Variants in CDH19 observed in about 807,000 individuals in gnomAD.
CDH19 encodes cadherin 19.
CDH19 carries 67 observed loss-of-function variants against 64.2 expected under a neutral mutation model. The observed-to-expected ratio is 1.04, with a 90% CI of 0.86 to 1.28. CDH19 has a LOEUF of 1.28. Ranked by LOEUF, CDH19 falls within the 50% of genes most tolerant of loss-of-function variation. The pLI is 0.00. For missense variants in CDH19, 1,030 were observed against 929.0 expected, an observed-to-expected ratio of 1.11 and a Z score of -1.41; for synonymous variants, 346 against 319.3, an observed-to-expected ratio of 1.08 and a Z score of -0.89.
Position 66,555,786 on chromosome 18 carries a change from G to T in CDH19, c.491-1262C>A, listed in dbSNP as rs549823041. Among the ~76,000 whole-genome samples the T allele has an allele frequency of 3.3e-5, 5 of 151,728 alleles. No individual in the cohort carries two copies. The South Asian group carries it at 1.0e-3, about 31-fold the overall frequency. ...CATCACTTTCATTGATCCATATTGCGCAAGACTTGTTCCTTTAACTATCCT... is the reference window on the plus strand; with the variant it reads ...CATCACTTTCATTGATCCATATTGCTCAAGACTTGTTCCTTTAACTATCCT... On this transcript the variant is annotated intron_variant, in intron 3 of 11. Coordinates refer to ENST00000262150, the MANE Select transcript of CDH19 (RefSeq NM_021153.4).
intron 3 of CDH19, among the ~76,000 whole-genome samples, chr18:66,563,287 T>C (rs974131611): frequency 6.6e-6 from 1 of 152,068 alleles, no homozygotes; most frequent in African/African-American, 2.4e-5. Context: ...GATTTCAAAA[T>C]GACATTTACT....
In CDH19 at chr18:66,543,983, TTC is replaced by T. The variant is rs1986998392; in HGVS notation, c.1200_1201del (p.Lys401IlefsTer9). 4 of 1,611,014 alleles carry T rather than the reference TTC, an allele frequency of 2.5e-6. No individual in the cohort carries two copies. The highest frequency in any genetic ancestry group is 3.4e-6 in the Non-Finnish European group (4 of 1,177,798). On this transcript the variant is annotated frameshift_variant, in exon 7 of 12. Coordinates refer to ENST00000262150, the MANE Select transcript of CDH19 (RefSeq NM_021153.4). LOFTEE classifies it high-confidence loss of function. ...CTTACAGACATACCTGATAGGAGATTTCCTATTGTCTGGGTCTGTGGCAGACA... is the reference window on the plus strand; with the variant it reads ...CTTACAGACATACCTGATAGGAGATTCTATTGTCTGGGTCTGTGGCAGACA...
At position 66,554,532 on chromosome 18, in the gene CDH19, G is replaced by C. The variant is rs756929539; in HGVS notation, c.491-8C>G. 1.2e-6 allele frequency: 2 copies of C among 1,607,312 alleles called. No homozygotes were observed. Among genetic ancestry groups the C allele is most frequent in the Non-Finnish European group, 1.7e-6 (2 of 1,175,866 alleles). ...CCTGGATAACTAATGTTCCTAAAGA[G>C]AACATAATACAGGAAATTAAGATTG... On this transcript the variant is annotated splice_polypyrimidine_tract_variant and splice_region_variant and intron_variant, in intron 3 of 11. Transcript: ENST00000262150.
chr18:66,582,610 A>G (rs1418768935), intron 1 of CDH19, among the ~76,000 whole-genome samples: 1 of 149,416 alleles, frequency 6.7e-6, no homozygotes, highest in East Asian at 2.0e-4. Context: ...AACTCTCATT[A>G]AGCATATAAT....
chr18:66,522,042 G>T (rs2144386449), intron 9 of CDH19, among the ~76,000 whole-genome samples: 1 of 151,702 alleles, frequency 6.6e-6, no homozygotes, highest in East Asian at 2.0e-4. Flanking sequence ...CGCCTCCCGG[G>T]TTCACGCCAT....
chr18:66,537,931 T>C (rs1287800877), intron 7 of CDH19, among the ~76,000 whole-genome samples: 1 of 152,114 alleles, frequency 6.6e-6, no homozygotes, highest in Non-Finnish European at 1.5e-5. Flanking sequence ...TAAGAAGGCA[T>C]TCGTGCATCA....
At chr18:66,566,274 C>A (rs191448848) in intron 3 of CDH19, among the ~76,000 whole-genome samples, 20 of 150,370 alleles carry the variant, frequency 1.3e-4, no homozygotes, top group Admixed American at 6.0e-4. Flanking sequence ...GATTCCATGA[C>A]CCTTTCTTTT....
rs1408626779 is a variant in CDH19, at chr18:66,568,690, A to G, written c.216T>C (p.Asn72=). 6.2e-7 allele frequency: 1 copy of G among 1,608,264 alleles called. No individual in the cohort carries two copies. Among genetic ancestry groups the G allele is most frequent in the South Asian group, 1.1e-5 (1 of 90,894 alleles). ...GCTTGTACTGGAAAGAATTGTTTCC[A>G]TTGTCTAAATCAGATCTTAGCTGCA... ...HIGQLRSDLD[N]GNNSFQYKLL... The change falls in exon 3 of 12, where the codon AAT becomes AAC. Residue 72 remains asparagine (N), a synonymous_variant. Transcript: ENST00000262150.
At chr18:66,553,402 G>T (rs1987409562) in intron 4 of CDH19, among the ~76,000 whole-genome samples, 1 of 133,630 alleles carries the variant, frequency 7.5e-6, no homozygotes, top group Non-Finnish European at 1.5e-5. Context: ...TAAAGGCCAT[G>T]TACATTCCTG....
At chr18:66,528,536 C>A (rs887429962) in intron 9 of CDH19, among the ~76,000 whole-genome samples, 1 of 152,024 alleles carries the variant, frequency 6.6e-6, no homozygotes, top group East Asian at 1.9e-4. Context: ...ATATTTATAA[C>A]AATTCTATTA....
chr18:66,504,531 G>T lies in CDH19; in HGVS notation c.*281C>A, dbSNP rs1985087048. On this transcript the variant is annotated 3_prime_UTR_variant, in exon 12 of 12. Coordinates refer to ENST00000262150, the MANE Select transcript of CDH19 (RefSeq NM_021153.4). The stretch of plus-strand genomic sequence containing the variant: ...ATCGCATAAGGATCGACTACATCTT[G>T]TGTCCTCTCATCTACTTTTAATATC... The T allele has an allele frequency of 3.3e-6, 1 of 304,360 alleles. No individual in the cohort carries two copies. The highest frequency in any genetic ancestry group is 2.1e-5 in the African/African-American group (1 of 46,960). 18.9% of individuals were successfully genotyped at this position (304,360 alleles called of 1,614,324 possible).
intron 8 of CDH19, among the ~76,000 whole-genome samples, chr18:66,533,213 T>TACACACACACACAC (rs35376051): frequency 6.7e-5 from 10 of 149,056 alleles, no homozygotes; most frequent in African/African-American, 2.5e-4. Flanking sequence ...TAGGATTTAT[T>TACACACACACACAC]ACACACACAC....
intron 9 of CDH19, 67 bp from the exon 10 acceptor site, chr18:66,511,752 A>G (rs1985501456): frequency 1.3e-6 from 1 of 760,662 alleles, no homozygotes; most frequent in Admixed American, 2.2e-5. Context: ...TGCTGCTATT[A>G]TTATTAGCTT....
intron 2 of CDH19, among the ~76,000 whole-genome samples, chr18:66,570,832 G>A (rs1988078370): frequency 6.6e-6 from 1 of 151,604 alleles, no homozygotes; most frequent in Non-Finnish European, 1.5e-5. Flanking sequence ...GAGGTGGCCT[G>A]TGTTCCAATT....
chr18:66,544,531 A>G (rs1598999678), intron 6 of CDH19, among the ~76,000 whole-genome samples, 188 bp downstream of exon 6: 1 of 152,170 alleles, frequency 6.6e-6, no homozygotes, highest in African/African-American at 2.4e-5. Flanking sequence ...AATTAAAAAA[A>G]TGTTCTGCAT....
chr18:66,561,040 G>A (rs1324172012), intron 3 of CDH19, among the ~76,000 whole-genome samples: 12 of 151,940 alleles, frequency 7.9e-5, no homozygotes, highest in Non-Finnish European at 1.8e-4. Flanking sequence ...CATTTAATGA[G>A]TTTCTTAGTT....
intron 10 of CDH19, among the ~76,000 whole-genome samples, chr18:66,509,464 T>C (rs1422510572): frequency 1.3e-5 from 2 of 151,858 alleles, no homozygotes; most frequent in East Asian, 1.9e-4. Flanking sequence ...AGATGAATTA[T>C]TTAAATTATG....
At chr18:66,508,411 A>T (rs1032286208) in intron 11 of CDH19, among the ~76,000 whole-genome samples, 14 of 146,102 alleles carry the variant, frequency 9.6e-5, no homozygotes, top group Non-Finnish European at 1.8e-4. Context: ...TTTTTTTTTT[A>T]AATGCACCTT....
chr18:66,520,494 CT>C (rs996929119), intron 9 of CDH19, among the ~76,000 whole-genome samples: 2 of 151,132 alleles, frequency 1.3e-5, no homozygotes, highest in African/African-American at 2.4e-5. Flanking sequence ...ATAATTTTTT[CT>C]TTTTTTGAGT....
Sources: gnomAD v4.1 joint callset for allele counts (sites outside exome capture counted in the v4.1 genomes callset) on GRCh38, gnomAD v4.1.1 for gene constraint, MANE v1.5 for transcripts, NCBI Gene and HGNC (gene_info 2026-07-23, HGNC 2026-07-21) for gene names.